The following PRM2 variants were observed in gnomAD, a reference collection of about 807,000 sequenced individuals.
PRM2 encodes the protein protamine 2, also known as protamine-2.
PRM2 carries 6 observed loss-of-function variants against 10.7 expected under a neutral mutation model. That is an observed-to-expected ratio of 0.56 (90% confidence interval 0.31 to 1.11). The LOEUF is 1.11. Ranked by LOEUF, PRM2 falls within the 50% of genes least tolerant of loss-of-function variation. The probability of loss-of-function intolerance (pLI) is 0.06; values close to 1 mark genes in which losing one functional copy is unlikely to be tolerated. For synonymous variants in PRM2, 64 were observed against 54.8 expected, an observed-to-expected ratio of 1.17 and a Z score of -0.74; for missense variants, 194 against 147.7, an observed-to-expected ratio of 1.31 and a Z score of -1.62.
rs1194210981 is a variant in PRM2, at chr16:11,275,896, A to C, written c.*4T>G. ...TCCAGCTGGGGGTGAGGGGCCCAGG[A>C]AGCTTAGTGCCTTCTGCATGTTCTC... On this transcript the variant is annotated 3_prime_UTR_variant, in exon 2 of 2. Coordinates refer to ENST00000241808, the MANE Select transcript of PRM2 (RefSeq NM_002762.4). 1.3e-5 allele frequency: 21 copies of C among 1,613,894 alleles called. No homozygotes were observed. The highest frequency in any genetic ancestry group is 1.8e-5 in the Non-Finnish European group (21 of 1,180,028).
Position 11,275,930 on chromosome 16 carries a change from T to G in PRM2, c.279A>C (p.Arg93Ser). 6.2e-7 allele frequency: 1 copy of G among 1,614,064 alleles called. No individual in the cohort carries two copies. Among genetic ancestry groups the G allele is most frequent in the Non-Finnish European group, 8.5e-7 (1 of 1,180,004 alleles). ...GCCTTCTGCATGTTCTCTTCCTGGT[T>G]CTGCAGCCTTTTGGGAAAGAAAGTT... ...RHRRRHRRGC[R>S]TRKRTCRRH The change falls in exon 2 of 2, where the codon AGA becomes AGC. Residue 93 changes from arginine (R) to serine (S), a missense_variant. Transcript: ENST00000241808.
Position 11,275,711 on chromosome 16 carries a change from A to G in PRM2, c.*189T>C. ...AGATCTTGTGGGCTTCTCGGCGGCAACTCAGGGCTTGAGCATTTGATGTAG... is the reference window on the plus strand; with the variant it reads ...AGATCTTGTGGGCTTCTCGGCGGCAGCTCAGGGCTTGAGCATTTGATGTAG... On this transcript the variant is annotated 3_prime_UTR_variant, in exon 2 of 2. Transcript: ENST00000241808. 1 of 1,411,960 alleles carries G rather than the reference A, an allele frequency of 7.1e-7. No individual in the cohort carries two copies. Among genetic ancestry groups the G allele is most frequent in the Non-Finnish European group, 9.7e-7 (1 of 1,030,836 alleles). The allele number at this position is 1,411,960 out of a possible 1,614,324, so 87.5% of individuals were successfully genotyped here. A position where few individuals can be genotyped will look rare whatever the true frequency, so the allele number is the denominator to read the frequency against.
chr16:11,275,822 G>A lies in PRM2; in HGVS notation c.*78C>T. 7 of 1,608,364 alleles carry A rather than the reference G, an allele frequency of 4.4e-6. No homozygotes were observed. The highest frequency in any genetic ancestry group is 5.9e-6 in the Non-Finnish European group (7 of 1,178,162). On this transcript the variant is annotated 3_prime_UTR_variant, in exon 2 of 2. Transcript: ENST00000241808. ...CTGGGGGCTTGAGCATTTGATGTAG[G>A]GGAATTGCTATGGCCTCACTTGGTG... is the stretch of plus-strand genomic sequence containing the variant.
rs2069849888 is a variant in PRM2 at position 11,275,904 on chromosome 16, T to G, written c.305A>C (p.His102Pro). The G allele has an allele frequency of 1.2e-6, 2 of 1,614,084 alleles. No homozygotes were observed. The highest frequency in any genetic ancestry group is 1.7e-6 in the Non-Finnish European group (2 of 1,180,002). ...GGGGTGAGGGGCCCAGGAAGCTTAG[T>G]GCCTTCTGCATGTTCTCTTCCTGGT... The part of the protein sequence containing the change: ...CRTRKRTCRR[H>P] Residue 102 changes from histidine to proline, a missense_variant, in exon 2 of 2, where the codon CAC becomes CCC. His to Pro is a moderately conservative substitution (Grantham distance 77, BLOSUM62 -2). Coordinates refer to ENST00000241808, the MANE Select transcript of PRM2 (RefSeq NM_002762.4).
chr16:11,276,148 T>G lies in PRM2; in HGVS notation c.223A>C (p.Arg75=). 6.2e-7 allele frequency: 1 copy of G among 1,613,638 alleles called. No individual in the cohort carries two copies. Among genetic ancestry groups the G allele is most frequent in the Non-Finnish European group, 8.5e-7 (1 of 1,180,010 alleles). Residue 75 remains arginine (R), a synonymous_variant, in exon 1 of 2, where the codon AGA becomes CGA. Transcript: ENST00000241808. Reference sequence around the variant, plus strand: ...CTGCAGGAGCGTCTTTTGCGCCTTCTGCAGGAGCGATGCTGCCGCCTGTGG... The same window carrying G: ...CTGCAGGAGCGTCTTTTGCGCCTTCGGCAGGAGCGATGCTGCCGCCTGTGG... ...RIHRRQHRSC[R]RRKRRSCRHR... is the part of the protein sequence containing the mutation.
Position 11,276,328 on chromosome 16 carries a change from C to A in PRM2, c.43G>T (p.Glu15Ter), listed in dbSNP as rs775204728. 6.2e-7 allele frequency: 1 copy of A among 1,614,126 alleles called. No homozygotes were observed. Among genetic ancestry groups the A allele is most frequent in the Non-Finnish European group, 8.5e-7 (1 of 1,180,044 alleles). The change falls in exon 1 of 2, where the codon GAG becomes TAG. Residue 15 changes from glutamate (E) to a stop codon, truncating the protein, a stop_gained. Transcript: ENST00000241808. LOFTEE classifies it high-confidence loss of function. ...CCATGCAACTGCTGCCTGTACACCT[C>A]GTGCGAGCGTTCGCTCAGGCTCCTC... Reference protein sequence around the residue: ...RVRSLSERSHEVYRQQLHGQE... With the variant: ...RVRSLSERSH
rs1211979633 is a variant in PRM2 at position 11,276,398 on chromosome 16, G to A, written c.-28C>T. 1 of 1,613,510 alleles carries A rather than the reference G, an allele frequency of 6.2e-7. No individual in the cohort carries two copies. The highest frequency in any genetic ancestry group is 8.5e-7 in the Non-Finnish European group (1 of 1,179,758). ...TGTTGGGAGATCTGGTGGCTCCTGG[G>A]CTGAGGCTGCAGTGGGCCCTGGAGT... On this transcript the variant is annotated 5_prime_UTR_variant, in exon 1 of 2. Transcript: ENST00000241808.
chr16:11,276,376 TG>T lies in PRM2; in HGVS notation c.-7del, dbSNP rs2069877133. The T allele has an allele frequency of 6.2e-7, 1 of 1,613,968 alleles. No individual in the cohort carries two copies. Among genetic ancestry groups the T allele is most frequent in the African/African-American group, 1.3e-5 (1 of 74,936 alleles). ...CTCACGCGGTATCGGACCATGGTGTTGGGAGATCTGGTGGCTCCTGGGCTGA... is the reference window on the plus strand; with the variant it reads ...CTCACGCGGTATCGGACCATGGTGTTGGAGATCTGGTGGCTCCTGGGCTGA... On this transcript the variant is annotated 5_prime_UTR_variant, in exon 1 of 2. Coordinates refer to ENST00000241808, the MANE Select transcript of PRM2 (RefSeq NM_002762.4).
At position 11,275,998 on chromosome 16, in the gene PRM2, G is replaced by T. The variant is rs2070923; in HGVS notation, c.272-61C>A. 0.32 allele frequency: 517,034 copies of T among 1,605,386 alleles called. 94,054 individuals carry two copies. Among genetic ancestry groups the T allele is most frequent in the East Asian group, 0.7 (31,487 of 44,776 alleles). ...CTAGGGACTCTGGGTGGGGACGGGGGTTAGGGGGCTGGAGCTTTTGTCAGG... is the reference window on the plus strand; with the variant it reads ...CTAGGGACTCTGGGTGGGGACGGGGTTTAGGGGGCTGGAGCTTTTGTCAGG... On this transcript the variant is annotated intron_variant, in intron 1 of 1. Coordinates refer to ENST00000241808, the MANE Select transcript of PRM2 (RefSeq NM_002762.4).
In PRM2 at chr16:11,276,326, C is replaced by T. The variant is rs1433656118; in HGVS notation, c.45G>A (p.Glu15=). Residue 15 remains glutamate (E), a synonymous_variant, in exon 1 of 2, where the codon GAG becomes GAA. Transcript: ENST00000241808. ...GCCCATGCAACTGCTGCCTGTACAC[C>T]TCGTGCGAGCGTTCGCTCAGGCTCC... ...RVRSLSERSH[E]VYRQQLHGQE... is the part of the protein sequence containing the mutation. 2.5e-6 allele frequency: 4 copies of T among 1,614,248 alleles called. No homozygotes were observed. In the Admixed American group the frequency reaches 5.0e-5, roughly 20 times the overall value.
Position 11,276,119 on chromosome 16 carries a change from G to C in PRM2, c.252C>G (p.His84Gln), listed in dbSNP as rs767725335. 3 of 1,612,192 alleles carry C rather than the reference G, an allele frequency of 1.9e-6. No individual in the cohort carries two copies. The highest frequency in any genetic ancestry group is 2.5e-6 in the Non-Finnish European group (3 of 1,179,962). Residue 84 changes from histidine (H) to glutamine (Q), a missense_variant, in exon 1 of 2, where the codon CAC (histidine) becomes CAG (glutamine). Transcript: ENST00000241808. ...GCAGACCTCTGCGATGCCTCCTCCG[G>C]TGCCTGCAGGAGCGTCTTTTGCGCC... ...CRRRKRRSCR[H>Q]RRRHRRGCRT...
rs749582206 is a variant in PRM2 at position 11,276,212 on chromosome 16, A to G, written c.159T>C (p.Tyr53=). The change falls in exon 1 of 2, where the codon TAT becomes TAC. Residue 53 remains tyrosine (Y), a synonymous_variant. Coordinates refer to ENST00000241808, the MANE Select transcript of PRM2 (RefSeq NM_002762.4). ...TCCTTCGAGAGCAGTGTCTGCGCCT[A>G]TAGTGAGACTGGCCATGGGTCCTCT... ...VYERTHGQSH[Y]RRRHCSRRRL... 14 of 1,614,094 alleles carry G rather than the reference A, an allele frequency of 8.7e-6. No homozygotes were observed. The highest frequency in any genetic ancestry group is 3.3e-5 in the South Asian group (3 of 91,090).
chr16:11,275,717 G>A lies in PRM2; in HGVS notation c.*183C>T. 1 of 1,447,760 alleles carries A rather than the reference G, an allele frequency of 6.9e-7. No homozygotes were observed. Among genetic ancestry groups the A allele is most frequent in the Non-Finnish European group, 9.4e-7 (1 of 1,059,208 alleles). The allele number at this position is 1,447,760 out of a possible 1,614,324, so 89.7% of individuals were successfully genotyped here. A position where few individuals can be genotyped will look rare whatever the true frequency, so the allele number is the denominator to read the frequency against. On this transcript the variant is annotated 3_prime_UTR_variant, in exon 2 of 2. Transcript: ENST00000241808. ...TGTGGGCTTCTCGGCGGCAACTCAG[G>A]GCTTGAGCATTTGATGTAGGGGAGT...
chr16:11,275,803 G>T lies in PRM2; in HGVS notation c.*97C>A, dbSNP rs1029177925. 4 of 1,597,888 alleles carry T rather than the reference G, an allele frequency of 2.5e-6. No homozygotes were observed. The African/African-American group carries it at 4.0e-5, about 16-fold the overall frequency. Reference sequence around the variant, plus strand: ...ACTTTCTCTTAACTTCCAGCTGGGGGCTTGAGCATTTGATGTAGGGGAATT... The same window carrying T: ...ACTTTCTCTTAACTTCCAGCTGGGGTCTTGAGCATTTGATGTAGGGGAATT... On this transcript the variant is annotated 3_prime_UTR_variant, in exon 2 of 2. Coordinates refer to ENST00000241808, the MANE Select transcript of PRM2 (RefSeq NM_002762.4).
In PRM2 at chr16:11,275,944, G is replaced by A; in HGVS notation, c.272-7C>T. 2 of 1,614,104 alleles carry A rather than the reference G, an allele frequency of 1.2e-6. No homozygotes were observed. On this transcript the variant is annotated splice_polypyrimidine_tract_variant and splice_region_variant and intron_variant, in intron 1 of 1. Coordinates refer to ENST00000241808, the MANE Select transcript of PRM2 (RefSeq NM_002762.4). ...CTCTTCCTGGTTCTGCAGCCTTTTG[G>A]GAAAGAAAGTTCTGGTTGAGGGGGT... is the stretch of plus-strand genomic sequence containing the variant.
In PRM2 at chr16:11,275,798, T is replaced by TG. The variant is rs747168000; in HGVS notation, c.*101dup. 2 of 1,594,876 alleles carry TG rather than the reference T, an allele frequency of 1.3e-6. No individual in the cohort carries two copies. The highest frequency in any genetic ancestry group is 8.5e-7 in the Non-Finnish European group (1 of 1,172,146). ...AGGTGACTTTCTCTTAACTTCCAGC[T>TG]GGGGGCTTGAGCATTTGATGTAGGG... On this transcript the variant is annotated 3_prime_UTR_variant, in exon 2 of 2. Transcript: ENST00000241808.
At chr16:11,275,979 ACT>A in intron 1 of PRM2, 42 bp from the exon 2 acceptor site, 1 of 1,604,262 alleles carries the variant, frequency 6.2e-7, no homozygotes, top group Non-Finnish European at 8.5e-7. Flanking sequence ...TCACCTAGGG[ACT>A]CTGGGTGGGG....
chr16:11,276,190 T>C lies in PRM2; in HGVS notation c.181A>G (p.Arg61Gly), dbSNP rs1293030969. 2 of 1,614,024 alleles carry C rather than the reference T, an allele frequency of 1.2e-6. No homozygotes were observed. Among genetic ancestry groups the C allele is most frequent in the Non-Finnish European group, 1.7e-6 (2 of 1,180,032 alleles). ...SHYRRRHCSR[R>G]RLHRIHRRQH... is the part of the protein sequence containing the mutation. ...CGCCTGTGGATCCGGTGCAGCCTCC[T>C]TCGAGAGCAGTGTCTGCGCCTATAG... Residue 61 changes from arginine (R) to glycine (G), a missense_variant, in exon 1 of 2, where the codon AGG becomes GGG. Coordinates refer to ENST00000241808, the MANE Select transcript of PRM2 (RefSeq NM_002762.4).
In PRM2 at chr16:11,275,741, G is replaced by A. The variant is rs765613153; in HGVS notation, c.*159C>T. The A allele has an allele frequency of 6.6e-7, 1 of 1,514,594 alleles. No individual in the cohort carries two copies. The highest frequency in any genetic ancestry group is 2.4e-5 in the East Asian group (1 of 41,450). 93.8% of individuals were successfully genotyped at this position (1,514,594 alleles called of 1,614,324 possible). On this transcript the variant is annotated 3_prime_UTR_variant, in exon 2 of 2. Coordinates refer to ENST00000241808, the MANE Select transcript of PRM2 (RefSeq NM_002762.4). ...GGGCTTGAGCATTTGATGTAGGGGAGTTGCTATGGCCTCACTCGGTGTTTC... is the reference window on the plus strand; with the variant it reads ...GGGCTTGAGCATTTGATGTAGGGGAATTGCTATGGCCTCACTCGGTGTTTC...
Sources: gnomAD v4.1 joint callset for allele counts on GRCh38, gnomAD v4.1.1 for gene constraint, MANE v1.5 for transcripts, NCBI Gene and HGNC (gene_info 2026-07-23, HGNC 2026-07-21) for gene names.